Variants in KIRREL3 observed in about 807,000 individuals in gnomAD.
The protein encoded by KIRREL3 is kirre like nephrin family adhesion molecule 3.
A neutral mutation model predicts 89.7 loss-of-function variants in KIRREL3; 36 were observed. The ratio of observed to expected loss-of-function variants is 0.40; its 90% CI spans 0.31 to 0.53. The LOEUF is 0.53. Among genes scored for constraint, KIRREL3 ranks in the 20% least tolerant of loss-of-function variants. KIRREL3 has a pLI of 0.49. For synonymous variants in KIRREL3, 445 were observed against 441.4 expected (o/e 1.01, Z -0.10); for missense variants, 864 against 1,056.6 (o/e 0.82, Z 2.53).
At chr11:126,448,002 G>C (rs901309212) in intron 8 of KIRREL3, among the ~76,000 whole-genome samples, 2 of 152,174 alleles carry the variant, frequency 1.3e-5, no homozygotes, top group African/African-American at 4.8e-5. Context: ...AATAAGAGGG[G>C]ATGGGCAGGT....
At chr11:126,732,976 A>G (rs1027090345) in intron 1 of KIRREL3, among the ~76,000 whole-genome samples, 3 of 152,232 alleles carry the variant, frequency 2.0e-5, no homozygotes, top group East Asian at 1.9e-4. Flanking sequence ...GTGAAATGCA[A>G]TGTGGAAGGA....
intron 1 of KIRREL3, among the ~76,000 whole-genome samples, chr11:126,831,905 T>C (rs909723898): frequency 6.6e-6 from 1 of 152,218 alleles, no homozygotes; most frequent in African/African-American, 2.4e-5. Flanking sequence ...TTGTAAAACA[T>C]TGTTTAGAAA....
At position 126,897,109 on chromosome 11, in the gene KIRREL3, C is replaced by T. The variant is rs191751182; in HGVS notation, c.55+103346G>A. 2.0e-5 allele frequency among the ~76,000 whole-genome samples: 3 copies of T among 152,226 alleles called. No homozygotes were observed. The highest frequency in any genetic ancestry group is 6.5e-5 in the Admixed American group (1 of 15,306). The stretch of plus-strand genomic sequence containing the variant: ...AATACGAAAGATCATCTCACGAATA[C>T]GGGCTACAAACAACTCCACAACTAA... On this transcript the variant is annotated intron_variant, in intron 1 of 16. Transcript: ENST00000525144. This position sits in a 1 kb window ranked among gnomAD's most constrained non-coding sequence, Gnocchi z 4.2.
rs1032035779 is a variant in KIRREL3, at chr11:126,898,371, T to C, written c.55+102084A>G. The stretch of plus-strand genomic sequence containing the variant: ...TATTCCTGGCAGTACTTAATGAAAT[T>C]GTGCATGCATATATCCTAAGGCACA... On this transcript the variant is annotated intron_variant, in intron 1 of 16. Coordinates refer to ENST00000525144, the MANE Select transcript of KIRREL3 (RefSeq NM_032531.4). The surrounding 1 kb of genome is among the most constrained non-coding windows in gnomAD (Gnocchi z 4.9). Among the ~76,000 whole-genome samples, 1 of 152,200 alleles carries C rather than the reference T, an allele frequency of 6.6e-6. No individual in the cohort carries two copies. The highest frequency in any genetic ancestry group is 6.5e-5 in the Admixed American group (1 of 15,274).
chr11:126,701,660 G>A (rs1947317189), intron 1 of KIRREL3, among the ~76,000 whole-genome samples: 1 of 152,168 alleles, frequency 6.6e-6, no homozygotes, highest in African/African-American at 2.4e-5. Context: ...CTTCACCAGA[G>A]AAGGGAGCGA....
intron 2 of KIRREL3, among the ~76,000 whole-genome samples, chr11:126,534,382 T>C: frequency 6.6e-6 from 1 of 152,336 alleles, no homozygotes; most frequent in East Asian, 1.9e-4. Context: ...TGCCTGGGCA[T>C]GGCAGAGGAG....
intron 1 of KIRREL3, among the ~76,000 whole-genome samples, chr11:126,841,765 A>G (rs1232269949): frequency 6.6e-6 from 1 of 152,216 alleles, no homozygotes; most frequent in East Asian, 1.9e-4. Context: ...GTGTCTAGGC[A>G]TCCGCTTTCA....
intron 2 of KIRREL3, among the ~76,000 whole-genome samples, chr11:126,548,393 C>T (rs762442789): frequency 1.3e-5 from 2 of 152,176 alleles, no homozygotes; most frequent in Non-Finnish European, 2.9e-5. Context: ...CAGAGCAGGC[C>T]AGACCTGCTG....
At chr11:126,899,293 T>G (rs1389614932) in intron 1 of KIRREL3, among the ~76,000 whole-genome samples, 2 of 152,194 alleles carry the variant, frequency 1.3e-5, no homozygotes, top group East Asian at 3.8e-4. Flanking sequence ...TTTCACTCCT[T>G]GTAGACATGA....
chr11:126,785,178 A>G (rs889525228), intron 1 of KIRREL3, among the ~76,000 whole-genome samples: 3 of 152,152 alleles, frequency 2.0e-5, no homozygotes, highest in African/African-American at 7.2e-5. Context: ...AAGGAGAGGG[A>G]TTCCTCCAGA....
intron 1 of KIRREL3, among the ~76,000 whole-genome samples, chr11:126,745,307 G>A (rs536749724): frequency 6.6e-6 from 1 of 152,160 alleles, no homozygotes; most frequent in African/African-American, 2.4e-5. Flanking sequence ...AATTCAAAAC[G>A]GTGGAGGGAG....
chr11:126,613,073 G>A (rs1211671335), intron 1 of KIRREL3, among the ~76,000 whole-genome samples: 1 of 152,096 alleles, frequency 6.6e-6, no homozygotes, highest in Non-Finnish European at 1.5e-5. Context: ...TTTCTGAGGA[G>A]TTTTTATTTG....
At position 126,703,411 on chromosome 11, in the gene KIRREL3, A is replaced by G. The variant is rs529066383; in HGVS notation, c.56-140499T>C. 8.1e-4 allele frequency among the ~76,000 whole-genome samples: 124 copies of G among 152,334 alleles called. No individual in the cohort carries two copies. The highest frequency in any genetic ancestry group is 1.5e-3 in the Non-Finnish European group (101 of 68,024). On this transcript the variant is annotated intron_variant, in intron 1 of 16. Coordinates refer to ENST00000525144, the MANE Select transcript of KIRREL3 (RefSeq NM_032531.4). The surrounding 1 kb of genome is among the most constrained non-coding windows in gnomAD (Gnocchi z 4.6). The stretch of plus-strand genomic sequence containing the variant: ...ATCAGCAGGAGCAGTGACTTTACCA[A>G]TGATTGATCAGCTGTTATGTGCCAG...
intron 1 of KIRREL3, among the ~76,000 whole-genome samples, chr11:126,745,207 C>T (rs1034640874): frequency 5.9e-5 from 9 of 152,126 alleles, no homozygotes; most frequent in African/African-American, 2.2e-4. Context: ...GTGGTGATAT[C>T]TCTGTGATAC....
chr11:126,446,266 CTCTCTTTCTTTTCTTTCTCCTTT>C (rs1473296467), intron 9 of KIRREL3, among the ~76,000 whole-genome samples: 2 of 44,012 alleles, frequency 4.5e-5, no homozygotes, highest in East Asian at 6.1e-4. Flanking sequence ...TTTTCTTTCT[CTCTCTTTCTTTTCTTTCTCCTTT>C]CTTTCTTTCT....
Position 126,754,536 on chromosome 11 carries a change from A to G in KIRREL3, c.56-191624T>C, listed in dbSNP as rs1244741038. 1.3e-5 allele frequency among the ~76,000 whole-genome samples: 2 copies of G among 152,136 alleles called. No individual in the cohort carries two copies. The highest frequency in any genetic ancestry group is 2.4e-5 in the African/African-American group (1 of 41,430). On this transcript the variant is annotated intron_variant, in intron 1 of 16. Coordinates refer to ENST00000525144, the MANE Select transcript of KIRREL3 (RefSeq NM_032531.4). The surrounding 1 kb of genome is among the most constrained non-coding windows in gnomAD (Gnocchi z 5.1). The stretch of plus-strand genomic sequence containing the variant: ...ACTTGGTTTAAGGCCTACAAACTGC[A>G]TGTCTTTGCTAGATACCGCTGAAGG...
At chr11:126,730,692 T>C (rs1382956149) in intron 1 of KIRREL3, among the ~76,000 whole-genome samples, 3 of 152,114 alleles carry the variant, frequency 2.0e-5, no homozygotes, top group Non-Finnish European at 4.4e-5. Flanking sequence ...ATGGCGGTAG[T>C]CCCCAGGTAA....
In KIRREL3 at chr11:126,652,531, G is replaced by A. The variant is rs1264733524; in HGVS notation, c.56-89619C>T. Among the ~76,000 whole-genome samples, 1 of 152,078 alleles carries A rather than the reference G, an allele frequency of 6.6e-6. No individual in the cohort carries two copies. The highest frequency in any genetic ancestry group is 6.5e-5 in the Admixed American group (1 of 15,272). ...TCATTATCTCCACTTCACAGGTCAG[G>A]GGGCTGTGGACAAGAGGTCAGGCCA... On this transcript the variant is annotated intron_variant, in intron 1 of 16. Transcript: ENST00000525144. The surrounding 1 kb of genome is among the most constrained non-coding windows in gnomAD (Gnocchi z 4.9).
intron 1 of KIRREL3, among the ~76,000 whole-genome samples, chr11:126,864,595 A>G (rs1345934380): frequency 2.0e-5 from 3 of 152,228 alleles, no homozygotes; most frequent in Admixed American, 2.0e-4. Flanking sequence ...CACAGACTCC[A>G]GTCTGAATTA....
Sources: allele counts gnomAD v4.1 joint callset (sites outside exome capture counted in the v4.1 genomes callset), GRCh38; gene constraint gnomAD v4.1.1; non-coding constraint Gnocchi (gnomAD v3.1); transcripts MANE v1.5; gene names NCBI Gene and HGNC (gene_info 2026-07-23, HGNC 2026-07-21).